SDK1: variants seen among roughly 807,000 people sequenced by gnomAD.
SDK1 encodes the protein protein sidekick-1.
A neutral mutation model predicts 245.5 loss-of-function variants in SDK1; 157 were observed. The ratio of observed to expected loss-of-function variants is 0.64; its 90% confidence interval spans 0.56 to 0.73. SDK1 has a LOEUF of 0.73. Ranked by LOEUF, SDK1 falls within the 30% of genes least tolerant of loss-of-function variation. The pLI is 0.00. For synonymous variants in SDK1, 1,647 were observed against 1,278.5 expected (o/e 1.29, Z -6.15); for missense variants, 3,583 against 3,002.3 (o/e 1.19, Z -4.52).
At chr7:4,217,365 C>T (rs1195201825) in intron 38 of SDK1, among the ~76,000 whole-genome samples, 1 of 140,124 alleles carries the variant, frequency 7.1e-6, no homozygotes, top group East Asian at 2.2e-4. Flanking sequence ...AACCAGGCCA[C>T]CCGGAGCACC....
intron 1 of SDK1, among the ~76,000 whole-genome samples, chr7:3,582,349 C>CCTCAGGTAGGTCTGT (rs1562579838): frequency 7.1e-6 from 1 of 141,686 alleles, no homozygotes; most frequent in African/African-American, 2.7e-5. Context: ...GGTAGGTCTC[C>CCTCAGGTAGGTCTGT]CTCAGGTAGG....
At chr7:4,151,274 C>T (rs965874787) in intron 30 of SDK1, among the ~76,000 whole-genome samples, 2 of 152,114 alleles carry the variant, frequency 1.3e-5, no homozygotes, top group Admixed American at 6.5e-5. Flanking sequence ...CTCTGTGGCC[C>T]CAGAGGACCC....
intron 4 of SDK1, among the ~76,000 whole-genome samples, chr7:3,655,121 C>G (rs1287375348): frequency 6.7e-6 from 1 of 149,884 alleles, no homozygotes; most frequent in East Asian, 2.0e-4. Flanking sequence ...AATCAAGAGG[C>G]ATTTTAAATG....
intron 4 of SDK1, among the ~76,000 whole-genome samples, chr7:3,791,598 A>G (rs1781092065): frequency 6.6e-6 from 1 of 152,066 alleles, no homozygotes; most frequent in African/African-American, 2.4e-5. Flanking sequence ...ACCGAGTGGG[A>G]TGGTACCACT....
chr7:3,871,115 A>T (rs2115133675), intron 5 of SDK1, among the ~76,000 whole-genome samples: 1 of 150,458 alleles, frequency 6.6e-6, no homozygotes, highest in South Asian at 2.1e-4. Flanking sequence ...GATCCTGCAC[A>T]TATGTCAATA....
At chr7:4,157,528 G>GAA (rs1432602195) in intron 30 of SDK1, among the ~76,000 whole-genome samples, 1 of 148,194 alleles carries the variant, frequency 6.7e-6, no homozygotes, top group South Asian at 2.2e-4. Context: ...GGGGAGGGAG[G>GAA]GAGGAAGGAA....
chr7:3,516,968 C>G (rs1432688710), intron 1 of SDK1, among the ~76,000 whole-genome samples: 1 of 152,062 alleles, frequency 6.6e-6, no homozygotes, highest in Non-Finnish European at 1.5e-5. Flanking sequence ...GATACTTTAT[C>G]TTTTTGGTGA....
At chr7:4,164,168 C>A (rs2128213674) in intron 32 of SDK1, among the ~76,000 whole-genome samples, 1 of 152,318 alleles carries the variant, frequency 6.6e-6, no homozygotes, top group Admixed American at 6.5e-5. Flanking sequence ...ATAGGGGGGC[C>A]AGAGTGGGAA....
At chr7:3,804,417 T>C (rs1779188444) in intron 4 of SDK1, among the ~76,000 whole-genome samples, 1 of 152,220 alleles carries the variant, frequency 6.6e-6, no homozygotes, top group Non-Finnish European at 1.5e-5. Flanking sequence ...GGTCTCTTTC[T>C]GAGTTCTTTA....
intron 19 of SDK1, 65 bp downstream of exon 19, chr7:4,051,895 C>G (rs550653556): frequency 2.1e-6 from 3 of 1,454,464 alleles, no homozygotes; most frequent in East Asian, 2.3e-5. Flanking sequence ...GCTGCAACTT[C>G]CAGAATCAGG....
At chr7:3,616,382 ACAACCTGGCCCTGCT>A (rs1781772517) in intron 1 of SDK1, among the ~76,000 whole-genome samples, 1 of 152,210 alleles carries the variant, frequency 6.6e-6, no homozygotes, top group Non-Finnish European at 1.5e-5. Flanking sequence ...AAGGCCCTGC[ACAACCTGGCCCTGCT>A]CATCCCACTT....
intron 22 of SDK1, among the ~76,000 whole-genome samples, chr7:4,100,510 G>T (rs1782463054): frequency 6.6e-6 from 1 of 152,118 alleles, no homozygotes; most frequent in African/African-American, 2.4e-5. Context: ...CAAGGCGAGG[G>T]TGTCAGCAGG....
chr7:3,613,136 G>A (rs1781658233), intron 1 of SDK1, among the ~76,000 whole-genome samples: 1 of 152,176 alleles, frequency 6.6e-6, no homozygotes, highest in Non-Finnish European at 1.5e-5. Context: ...AAGGGTTTCA[G>A]ATGATACGAC....
intron 1 of SDK1, among the ~76,000 whole-genome samples, chr7:3,559,802 G>A (rs907431680): frequency 1.3e-5 from 2 of 150,410 alleles, no homozygotes; most frequent in African/African-American, 2.4e-5. Context: ...AACAAGCACA[G>A]ATGAACTTAA....
chr7:3,587,228 A>G (rs1489185574), intron 1 of SDK1, among the ~76,000 whole-genome samples: 1 of 152,202 alleles, frequency 6.6e-6, no homozygotes, highest in Non-Finnish European at 1.5e-5. Context: ...ATTGAGGGTC[A>G]GAGGGGATTT....
At chr7:4,214,257 G>C (rs985406101) in intron 38 of SDK1, among the ~76,000 whole-genome samples, 4 of 152,226 alleles carry the variant, frequency 2.6e-5, no homozygotes, top group Admixed American at 6.5e-5. Flanking sequence ...GTGAACTTCA[G>C]AGATGGGGCT....
chr7:3,767,110 C>T (rs1780276550), intron 4 of SDK1, among the ~76,000 whole-genome samples: 1 of 152,132 alleles, frequency 6.6e-6, no homozygotes, highest in African/African-American at 2.4e-5. Context: ...ATAGAATGGG[C>T]ATCTTGGAGG....
At chr7:3,544,982 A>G (rs927161037) in intron 1 of SDK1, among the ~76,000 whole-genome samples, 11 of 152,112 alleles carry the variant, frequency 7.2e-5, no homozygotes, top group African/African-American at 2.7e-4. Context: ...CTGAGTCCCT[A>G]ACTTCTGCCT....
intron 22 of SDK1, among the ~76,000 whole-genome samples, chr7:4,084,705 T>C (rs879719386): frequency 8.2e-4 from 113 of 137,030 alleles, no homozygotes; most frequent in Non-Finnish European, 1.4e-3. Flanking sequence ...TGTTATGTTA[T>C]GTTATGTTAT....
Sources: allele counts gnomAD v4.1 joint callset (sites outside exome capture counted in the v4.1 genomes callset), GRCh38; gene constraint gnomAD v4.1.1; transcripts MANE v1.5; gene names NCBI Gene and HGNC (gene_info 2026-07-23, HGNC 2026-07-21).